HM13: variants seen among roughly 807,000 people sequenced by gnomAD.
The protein encoded by HM13 is histocompatibility minor 13, also known as signal peptide peptidase.
HM13 carries 18 observed loss-of-function variants against 50.0 expected under a neutral mutation model. That is an observed-to-expected ratio of 0.36 (90% CI 0.25 to 0.53). The LOEUF (loss-of-function observed/expected upper bound fraction) is 0.53, where lower values mean the gene tolerates loss of function less well. Ranked by LOEUF, HM13 falls within the 20% of genes least tolerant of loss-of-function variation. HM13 has a pLI of 0.90. For synonymous variants in HM13, 197 were observed against 232.6 expected, an observed-to-expected ratio of 0.85 and a Z score of 1.39; for missense variants, 393 against 552.4, an observed-to-expected ratio of 0.71 and a Z score of 2.89.
intron 2 of HM13, among the ~76,000 whole-genome samples, chr20:31,534,887 C>T (rs1456955211): frequency 6.6e-6 from 1 of 151,868 alleles, no homozygotes; most frequent in African/African-American, 2.4e-5. Context: ...AGATCGAGAC[C>T]ATCCTGGTAA....
At chr20:31,534,851 C>G (rs1207748397) in intron 2 of HM13, among the ~76,000 whole-genome samples, 1 of 151,978 alleles carries the variant, frequency 6.6e-6, no homozygotes, top group African/African-American at 2.4e-5. Context: ...TTTGGGAGGC[C>G]GAGGCGGGCA....
intron 9 of HM13, among the ~76,000 whole-genome samples, chr20:31,560,182 C>T (rs1353429853): frequency 6.6e-6 from 1 of 152,184 alleles, no homozygotes; most frequent in Non-Finnish European, 1.5e-5. Flanking sequence ...AGAAGGTGGG[C>T]AACTTAGGTC....
chr20:31,568,742 G>C (rs992940295), intron 12 of HM13, among the ~76,000 whole-genome samples: 8 of 152,220 alleles, frequency 5.3e-5, no homozygotes, highest in Non-Finnish European at 1.2e-4. Context: ...GATTCATGCT[G>C]TGTGCCCTGG....
chr20:31,519,028 G>C (rs550645220), intron 1 of HM13, among the ~76,000 whole-genome samples: 1 of 152,068 alleles, frequency 6.6e-6, no homozygotes, highest in African/African-American at 2.4e-5. Flanking sequence ...CCCCTCTCCT[G>C]TGTTTCTTAG....
At chr20:31,525,896 C>T (rs753209572) in intron 1 of HM13, among the ~76,000 whole-genome samples, 37 of 152,080 alleles carry the variant, frequency 2.4e-4, no homozygotes, top group Non-Finnish European at 4.3e-4. Flanking sequence ...GAGGCTAAGG[C>T]GGGTAAATCA....
At chr20:31,518,764 G>A (rs1201255126) in intron 1 of HM13, among the ~76,000 whole-genome samples, 1 of 152,050 alleles carries the variant, frequency 6.6e-6, no homozygotes, top group African/African-American at 2.4e-5. Flanking sequence ...AGGTTGAGGC[G>A]AGAGGATAAC....
chr20:31,559,576 C>T (rs1392327997), intron 8 of HM13, 35 bp from the exon 9 acceptor site: 1 of 1,612,544 alleles, frequency 6.2e-7, no homozygotes, highest in Non-Finnish European at 8.5e-7. Context: ...CCTGCTGCTT[C>T]CCTGCCACTC....
At chr20:31,564,626 T>C (rs1360216616) in intron 10 of HM13, among the ~76,000 whole-genome samples, 1 of 151,700 alleles carries the variant, frequency 6.6e-6, no homozygotes, top group African/African-American at 2.4e-5. Context: ...TAGAGGGACT[T>C]ACAGAGCACG....
intron 12 of HM13, among the ~76,000 whole-genome samples, chr20:31,568,459 T>A (rs1985061329): frequency 6.6e-6 from 1 of 152,236 alleles, no homozygotes; most frequent in South Asian, 2.1e-4. Flanking sequence ...TCATAGTGGA[T>A]GGAAATGGCC....
rs372379087 is a variant in HM13 at position 31,556,338 on chromosome 20, C to T, written c.808+1509C>T. Among the ~76,000 whole-genome samples, 7 of 152,160 alleles carry T rather than the reference C, an allele frequency of 4.6e-5. No homozygotes were observed. In the East Asian group the frequency reaches 9.7e-4, roughly 21 times the overall value. On this transcript the variant is annotated intron_variant, in intron 8 of 12. Coordinates refer to ENST00000398174, the MANE Select transcript of HM13 (RefSeq NM_178581.3). The stretch of plus-strand genomic sequence containing the variant: ...ACAGGCATGAGCCACCACGCCTGGC[C>T]GACCCCGTCTATATTTTTTAAAAGA...
chr20:31,526,153 A>G (rs1429211006), intron 1 of HM13, among the ~76,000 whole-genome samples: 1 of 140,862 alleles, frequency 7.1e-6, no homozygotes, highest in Non-Finnish European at 1.5e-5. Flanking sequence ...AAAGTTCGTC[A>G]TAAATCCTTT....
chr20:31,558,971 T>A (rs10211827), intron 8 of HM13, among the ~76,000 whole-genome samples: 5 of 152,208 alleles, frequency 3.3e-5, no homozygotes. Context: ...CAGGCTGGAA[T>A]GCAGTGGCGC....
intron 4 of HM13, 55 bp downstream of exon 4, chr20:31,545,090 T>C: frequency 7.5e-7 from 1 of 1,337,444 alleles, no homozygotes; most frequent in Non-Finnish European, 1.1e-6. Context: ...CCTCCACCAT[T>C]CCCTTTGTCT....
chr20:31,554,851 C>A, intron 8 of HM13, 22 bp downstream of exon 8: 1 of 1,596,344 alleles, frequency 6.3e-7, no homozygotes, highest in South Asian at 1.1e-5. Context: ...GGTGTGGGGG[C>A]TATGTGAAAG....
intron 2 of HM13, chr20:31,528,105 A>G (rs757646126): frequency 2.0e-5 from 3 of 152,252 alleles, no homozygotes; most frequent in African/African-American, 4.8e-5. Flanking sequence ...CTGTGACCAC[A>G]TGGTGTATTC....
In HM13 at chr20:31,538,290, A is replaced by T. The variant is rs146125630; in HGVS notation, c.365+29A>T. ...AGAAGGCATCTCTCTGCAACATTTG[A>T]AGCAGCTTTCTCGGGAACCAGTACA... On this transcript the variant is annotated intron_variant, in intron 3 of 12. Coordinates refer to ENST00000398174, the MANE Select transcript of HM13 (RefSeq NM_178581.3). 1.1e-4 allele frequency: 170 copies of T among 1,614,130 alleles called. 2 individuals carry two copies. The East Asian group carries it at 3.7e-3, about 36-fold the overall frequency.
At chr20:31,521,397 A>T (rs887153802) in intron 1 of HM13, among the ~76,000 whole-genome samples, 11 of 152,138 alleles carry the variant, frequency 7.2e-5, no homozygotes, top group Non-Finnish European at 1.6e-4. Context: ...TCACCTCTCT[A>T]GACCTCCGCT....
intron 11 of HM13, chr20:31,567,849 G>GA: frequency 1.9e-6 from 1 of 523,656 alleles, no homozygotes; most frequent in Admixed American, 3.8e-5. Flanking sequence ...TACACTTCTA[G>GA]AGCATGCTTG....
chr20:31,514,782 C>A lies in HM13; in HGVS notation c.183+48C>A, dbSNP rs991555049. 6.9e-7 allele frequency: 1 copy of A among 1,458,968 alleles called. No individual in the cohort carries two copies. The highest frequency in any genetic ancestry group is 9.1e-7 in the Non-Finnish European group (1 of 1,101,542). The allele number at this position is 1,458,968 out of a possible 1,614,324, so 90.4% of individuals were successfully genotyped here. A position where few individuals can be genotyped will look rare whatever the true frequency, so the allele number is the denominator to read the frequency against. On this transcript the variant is annotated intron_variant, in intron 1 of 12. Transcript: ENST00000398174. The surrounding 1 kb of genome is among the most constrained non-coding windows in gnomAD (Gnocchi z 4.3). ...GCACTTTCCACCCCCATACCGAACA[C>A]GGCCGACATGGACCCTTCCTAGGCG...
Sources: allele counts gnomAD v4.1 joint callset (sites outside exome capture counted in the v4.1 genomes callset), GRCh38; gene constraint gnomAD v4.1.1; non-coding constraint Gnocchi (gnomAD v3.1); transcripts MANE v1.5; gene names NCBI Gene and HGNC (gene_info 2026-07-23, HGNC 2026-07-21).